AUTS2: variants seen among roughly 807,000 people sequenced by gnomAD.
The protein encoded by AUTS2 is activator of transcription and developmental regulator AUTS2.
AUTS2 carries 17 observed loss-of-function variants against 112.4 expected under a neutral mutation model. The observed-to-expected ratio is 0.15, with a 90% CI of 0.10 to 0.23. The LOEUF is 0.23. Ranked by LOEUF, AUTS2 falls within the 10% of genes least tolerant of loss-of-function variation. The pLI is 1.00. For synonymous variants in AUTS2, 751 were observed against 702.7 expected, an observed-to-expected ratio of 1.07 and a Z score of -1.09; for missense variants, 1,510 against 1,701.6, an observed-to-expected ratio of 0.89 and a Z score of 1.98.
At chr7:70,709,280 C>G (rs556977445) in intron 6 of AUTS2, among the ~76,000 whole-genome samples, 1 of 152,122 alleles carries the variant, frequency 6.6e-6, no homozygotes, top group Non-Finnish European at 1.5e-5. Context: ...AAGCCCCATG[C>G]CCAAGCCTGA....
intron 4 of AUTS2, among the ~76,000 whole-genome samples, chr7:70,144,557 TG>T (rs1383697720): frequency 1.3e-5 from 2 of 152,128 alleles, no homozygotes; most frequent in African/African-American, 4.8e-5. Flanking sequence ...TTCGCCTAAT[TG>T]TTTCTAAATT....
chr7:70,561,116 A>C (rs997863823), intron 5 of AUTS2, among the ~76,000 whole-genome samples: 1 of 152,176 alleles, frequency 6.6e-6, no homozygotes, highest in African/African-American at 2.4e-5. Flanking sequence ...ATCATCATCT[A>C]ATAATTTTCC....
At chr7:69,732,874 T>C (rs908552787) in intron 1 of AUTS2, among the ~76,000 whole-genome samples, 3 of 152,190 alleles carry the variant, frequency 2.0e-5, no homozygotes. Context: ...CTGCAAGGTT[T>C]GTGCTTTTAG....
intron 4 of AUTS2, among the ~76,000 whole-genome samples, chr7:70,343,279 T>C (rs1323964426): frequency 1.3e-5 from 2 of 152,246 alleles, no homozygotes; most frequent in Non-Finnish European, 2.9e-5. Context: ...ATGTGTGTTA[T>C]GACCTATCTG....
intron 7 of AUTS2, among the ~76,000 whole-genome samples, chr7:70,764,224 G>C (rs1789759312): frequency 6.6e-6 from 1 of 152,174 alleles, no homozygotes; most frequent in African/African-American, 2.4e-5. Flanking sequence ...GCCGGGCCCG[G>C]CTTCTGCCCC....
chr7:70,504,286 G>A (rs904913211), intron 5 of AUTS2, among the ~76,000 whole-genome samples: 3 of 151,708 alleles, frequency 2.0e-5, no homozygotes, highest in African/African-American at 7.3e-5. Flanking sequence ...TAATGAAGAG[G>A]GTTTACTGAA....
At chr7:70,536,923 T>G (rs1167492864) in intron 5 of AUTS2, among the ~76,000 whole-genome samples, 1 of 151,832 alleles carries the variant, frequency 6.6e-6, no homozygotes, top group Non-Finnish European at 1.5e-5. Context: ...AAAAGAAAAA[T>G]CAAAAGTAAT....
At chr7:69,961,176 G>T (rs1797414919) in intron 2 of AUTS2, among the ~76,000 whole-genome samples, 1 of 152,106 alleles carries the variant, frequency 6.6e-6, no homozygotes, top group Non-Finnish European at 1.5e-5. Context: ...TTTGTGTTTG[G>T]CTACCAGTGT....
Position 70,028,644 on chromosome 7 carries a change from T to C in AUTS2, c.523-89488T>C, listed in dbSNP as rs190097671. Among the ~76,000 whole-genome samples the C allele has an allele frequency of 2.0e-5, 3 of 152,344 alleles. No individual in the cohort carries two copies. In the East Asian group the frequency reaches 5.8e-4, roughly 29 times the overall value. ...CCACCTGAGCCCAAAACCTCTGTGC[T>C]TGTTTGTTCCTCCTCCTCCTTAGCC... On this transcript the variant is annotated intron_variant, in intron 2 of 18. Coordinates refer to ENST00000342771, the MANE Select transcript of AUTS2 (RefSeq NM_015570.4).
chr7:70,329,480 T>C (rs1278999271), intron 4 of AUTS2, among the ~76,000 whole-genome samples: 1 of 152,122 alleles, frequency 6.6e-6, no homozygotes, highest in Non-Finnish European at 1.5e-5. Context: ...CTTATGGGTA[T>C]GAAGTGGTAC....
At chr7:69,932,814 GT>G in intron 2 of AUTS2, among the ~76,000 whole-genome samples, 1 of 152,314 alleles carries the variant, frequency 6.6e-6, no homozygotes, top group South Asian at 2.1e-4. Context: ...CACATTATTT[GT>G]TTTAAGTTAC....
intron 2 of AUTS2, among the ~76,000 whole-genome samples, chr7:69,946,476 G>A (rs1285236224): frequency 6.6e-6 from 1 of 151,228 alleles, no homozygotes; most frequent in Non-Finnish European, 1.5e-5. Context: ...GTTCATTATG[G>A]CATTATTCAT....
intron 4 of AUTS2, among the ~76,000 whole-genome samples, chr7:70,136,461 T>G (rs750673709): frequency 6.6e-6 from 1 of 152,226 alleles, no homozygotes; most frequent in Non-Finnish European, 1.5e-5. Flanking sequence ...ATTTCAACTT[T>G]CTTTCCAATA....
chr7:70,205,014 A>G (rs1562784647), intron 4 of AUTS2, among the ~76,000 whole-genome samples: 1 of 152,096 alleles, frequency 6.6e-6, no homozygotes, highest in South Asian at 2.1e-4. Context: ...TTCACAGCAG[A>G]TACTAAGAAG....
chr7:70,053,761 T>C (rs1801868827), intron 2 of AUTS2, among the ~76,000 whole-genome samples: 1 of 152,090 alleles, frequency 6.6e-6, no homozygotes, highest in Non-Finnish European at 1.5e-5. Flanking sequence ...CCCAGGCTGG[T>C]CTCGAACTGG....
intron 4 of AUTS2, among the ~76,000 whole-genome samples, chr7:70,236,307 G>T (rs1170826931): frequency 6.6e-6 from 1 of 152,082 alleles, no homozygotes; most frequent in African/African-American, 2.4e-5. Context: ...AATTTCATTT[G>T]TTTATATCTC....
chr7:69,607,388 A>G (rs762400246), intron 1 of AUTS2, among the ~76,000 whole-genome samples: 1 of 152,170 alleles, frequency 6.6e-6, no homozygotes, highest in Non-Finnish European at 1.5e-5. Flanking sequence ...TAGAGCTATC[A>G]AAATTATGAA....
At chr7:70,593,334 T>G (rs1048558455) in intron 5 of AUTS2, among the ~76,000 whole-genome samples, 8 of 152,222 alleles carry the variant, frequency 5.3e-5, no homozygotes, top group Admixed American at 2.6e-4. Context: ...CCTGTTTTTA[T>G]ATCGTGTTTT....
At chr7:70,719,280 C>T (rs907870227) in intron 6 of AUTS2, among the ~76,000 whole-genome samples, 9 of 152,108 alleles carry the variant, frequency 5.9e-5, no homozygotes, top group Admixed American at 2.0e-4. Context: ...AATGTCTGCT[C>T]AATTAAAAGG....
Sources: allele counts gnomAD v4.1 joint callset (sites outside exome capture counted in the v4.1 genomes callset), GRCh38; gene constraint gnomAD v4.1.1; transcripts MANE v1.5; gene names NCBI Gene and HGNC (gene_info 2026-07-23, HGNC 2026-07-21).